Variants in TLL1 observed in about 807,000 individuals in gnomAD.
The protein encoded by TLL1 is tolloid-like protein 1.
TLL1 carries 49 observed loss-of-function variants against 128.2 expected under a neutral mutation model. The observed-to-expected ratio is 0.38, with a 90% CI of 0.30 to 0.48. The LOEUF (loss-of-function observed/expected upper bound fraction) is 0.48. Among genes scored for constraint, TLL1 ranks in the 20% least tolerant of loss-of-function variants. The probability of loss-of-function intolerance (pLI) is 0.96; values close to 1 mark genes in which losing one functional copy is unlikely to be tolerated. For synonymous variants in TLL1, 454 were observed against 418.8 expected (o/e 1.08, Z -1.03); for missense variants, 1,123 against 1,242.0 (o/e 0.90, Z 1.44).
At chr4:165,918,239 G>C (rs915458895) in intron 1 of TLL1, among the ~76,000 whole-genome samples, 7 of 152,166 alleles carry the variant, frequency 4.6e-5, no homozygotes, top group African/African-American at 1.4e-4. Context: ...AAAATAATGT[G>C]ATACTTCTTA....
intron 20 of TLL1, 143 bp downstream of exon 20, chr4:166,099,670 C>T: frequency 9.2e-7 from 1 of 1,085,302 alleles, no homozygotes; most frequent in Non-Finnish European, 1.3e-6. Context: ...AATGGCTTGA[C>T]AAAATATAAC....
intron 16 of TLL1, among the ~76,000 whole-genome samples, chr4:166,073,487 C>A (rs1194453055): frequency 6.6e-6 from 1 of 152,014 alleles, no homozygotes; most frequent in Non-Finnish European, 1.5e-5. Flanking sequence ...CTTTATTCTG[C>A]TTTCATTTTG....
chr4:165,922,582 TG>T (rs1733085076), intron 1 of TLL1, among the ~76,000 whole-genome samples: 1 of 152,222 alleles, frequency 6.6e-6, no homozygotes, highest in South Asian at 2.1e-4. Context: ...AGTCATTACA[TG>T]ACACTGTAAA....
At position 166,043,288 on chromosome 4, in the gene TLL1, G is replaced by A. The variant is rs776440303; in HGVS notation, c.1393G>A (p.Glu465Lys). 1 of 1,614,086 alleles carries A rather than the reference G, an allele frequency of 6.2e-7. No homozygotes were observed. Among genetic ancestry groups the A allele is most frequent in the Non-Finnish European group, 8.5e-7 (1 of 1,179,976 alleles). Residue 465 changes from glutamate (E) to lysine (K), a missense_variant, in exon 12 of 21, where the codon GAG becomes AAG. By Grantham distance (56) the Glu-to-Lys change is moderately conservative. Coordinates refer to ENST00000061240, the MANE Select transcript of TLL1 (RefSeq NM_012464.5). Reference protein sequence around the residue: ...AAVYEAICGGEIRKNEGQIQS... With the variant: ...AAVYEAICGGKIRKNEGQIQS... ...GCTTTCTTCAGCGATCTGTGGAGGT[G>A]AGATACGTAAAAATGAAGGACAGAT...
intron 1 of TLL1, among the ~76,000 whole-genome samples, chr4:165,917,908 CTAAT>C (rs893834762): frequency 2.9e-4 from 44 of 152,078 alleles, no homozygotes; most frequent in African/African-American, 1.0e-3. Flanking sequence ...GAATTAGTAA[CTAAT>C]TAAATTTTTT....
chr4:166,043,121 T>A (rs1161114780), intron 11 of TLL1, among the ~76,000 whole-genome samples, 153 bp from the exon 12 acceptor site: 2 of 152,232 alleles, frequency 1.3e-5, no homozygotes. Context: ...ACATAAATAT[T>A]TGCTACATTA....
Position 166,091,310 on chromosome 4 carries a change from A to G in TLL1, c.2625A>G (p.Gln875=). 1.2e-6 allele frequency: 2 copies of G among 1,612,908 alleles called. No individual in the cohort carries two copies. The highest frequency in any genetic ancestry group is 1.7e-5 in the Admixed American group (1 of 59,932). The change falls in exon 19 of 21, where the codon CAA becomes CAG. Residue 875 remains glutamine, a synonymous_variant. Transcript: ENST00000061240. Reference sequence around the variant, plus strand: ...GGTTTGTTTCTGATGCATCTGTTCAAAGAAAAGGCTTTCAAGCTACACATT... The same window carrying G: ...GGTTTGTTTCTGATGCATCTGTTCAGAGAAAAGGCTTTCAAGCTACACATT... The part of the protein sequence containing the change: ...FVRFVSDASV[Q]RKGFQATHST...
intron 1 of TLL1, among the ~76,000 whole-genome samples, chr4:165,925,308 A>G (rs1408599009): frequency 2.0e-5 from 3 of 152,252 alleles, no homozygotes; most frequent in Non-Finnish European, 4.4e-5. Context: ...AATGAGATTC[A>G]TGGGATGAGA....
At chr4:165,895,702 CCTAGGATAGGCAAAATAAT>C (rs1731644267) in intron 1 of TLL1, among the ~76,000 whole-genome samples, 1 of 135,340 alleles carries the variant, frequency 7.4e-6, no homozygotes, top group African/African-American at 3.0e-5. Flanking sequence ...ATGCAAGGAA[CCTAGGATAGGCAAAATAAT>C]CTCATAAAAG....
chr4:165,894,842 AGTGTGTGTGTGTGT>A (rs34248657), intron 1 of TLL1, among the ~76,000 whole-genome samples: 1 of 142,018 alleles, frequency 7.0e-6, no homozygotes, highest in African/African-American at 2.6e-5. Context: ...TCAAATGATG[AGTGTGTGTGTGTGT>A]GTGTGTGTGT....
At chr4:165,886,911 C>T (rs1257085493) in intron 1 of TLL1, among the ~76,000 whole-genome samples, 1 of 152,018 alleles carries the variant, frequency 6.6e-6, no homozygotes, top group Non-Finnish European at 1.5e-5. Context: ...TCTTGAAGTC[C>T]TGTGATTTTC....
At chr4:165,979,689 G>A (rs1211653938) in intron 1 of TLL1, among the ~76,000 whole-genome samples, 1 of 152,172 alleles carries the variant, frequency 6.6e-6, no homozygotes, top group Non-Finnish European at 1.5e-5. Flanking sequence ...TCAGGAGGCT[G>A]AGGCAGGAGA....
intron 12 of TLL1, 93 bp from the exon 13 acceptor site, chr4:166,054,983 A>G: frequency 9.6e-7 from 1 of 1,036,816 alleles, no homozygotes; most frequent in Non-Finnish European, 1.4e-6. Flanking sequence ...TATATTAACA[A>G]ATCAGAAGTA....
intron 8 of TLL1, among the ~76,000 whole-genome samples, chr4:166,015,346 AG>A (rs1278726388): frequency 6.6e-6 from 1 of 152,026 alleles, no homozygotes; most frequent in African/African-American, 2.4e-5. Context: ...GTATTGTTCT[AG>A]ATACTTAAGG....
chr4:166,051,800 T>C (rs1739752800), intron 12 of TLL1, among the ~76,000 whole-genome samples: 1 of 152,240 alleles, frequency 6.6e-6, no homozygotes, highest in Non-Finnish European at 1.5e-5. Context: ...TATTATTTTC[T>C]AGGCAACTCA....
intron 1 of TLL1, among the ~76,000 whole-genome samples, chr4:165,953,764 C>T (rs1267766309): frequency 6.6e-6 from 1 of 151,748 alleles, no homozygotes; most frequent in Admixed American, 6.6e-5. Flanking sequence ...TCTCCTTTTG[C>T]AGCTTTTTAA....
chr4:165,884,848 TAATAAA>T (rs1731102663), intron 1 of TLL1, among the ~76,000 whole-genome samples: 1 of 152,046 alleles, frequency 6.6e-6, no homozygotes, highest in South Asian at 2.1e-4. Flanking sequence ...ATAATAATGA[TAATAAA>T]AATAAAATAA....
chr4:166,057,142 T>C (rs374985775), intron 13 of TLL1, 42 bp from the exon 14 acceptor site: 139 of 1,610,374 alleles, frequency 8.6e-5, no homozygotes, highest in Non-Finnish European at 1.1e-4. Flanking sequence ...CATACACACA[T>C]ATATATGTAT....
intron 1 of TLL1, among the ~76,000 whole-genome samples, chr4:165,941,618 C>T (rs1734012799): frequency 6.6e-6 from 1 of 151,962 alleles, no homozygotes; most frequent in Non-Finnish European, 1.5e-5. Context: ...ATTTAATGCC[C>T]AGTGTCAACA....
Sources: gnomAD v4.1 joint callset for allele counts (sites outside exome capture counted in the v4.1 genomes callset) on GRCh38, gnomAD v4.1.1 for gene constraint, MANE v1.5 for transcripts, NCBI Gene and HGNC (gene_info 2026-07-23, HGNC 2026-07-21) for gene names.